GRIK1: variants seen among roughly 807,000 people sequenced by gnomAD.
The protein encoded by GRIK1 is glutamate ionotropic receptor kainate type subunit 1.
GRIK1 carries 69 observed loss-of-function variants against 105.7 expected under a neutral mutation model. The observed-to-expected ratio is 0.65, with a 90% confidence interval of 0.54 to 0.80. GRIK1 has a LOEUF of 0.80. Among genes scored for constraint, GRIK1 ranks in the 30% least tolerant of loss-of-function variants. The pLI is 0.00. For missense variants in GRIK1, 1,109 were observed against 1,167.3 expected (o/e 0.95, Z 0.73); for synonymous variants, 438 against 431.3 (o/e 1.02, Z -0.19).
intron 7 of GRIK1, among the ~76,000 whole-genome samples, chr21:29,606,410 G>A (rs1479414127): frequency 6.6e-6 from 1 of 152,100 alleles, no homozygotes; most frequent in Non-Finnish European, 1.5e-5. Context: ...ACATGCATCA[G>A]CTATTTATCC....
chr21:29,674,259 C>G (rs529164517), intron 3 of GRIK1, among the ~76,000 whole-genome samples: 1 of 134,914 alleles, frequency 7.4e-6, no homozygotes, highest in African/African-American at 3.5e-5. Flanking sequence ...ATTTATGTAG[C>G]TATTTTTTTT....
At chr21:29,719,055 A>G (rs1448080530) in intron 1 of GRIK1, among the ~76,000 whole-genome samples, 3 of 140,874 alleles carry the variant, frequency 2.1e-5, no homozygotes, top group Non-Finnish European at 1.5e-5. Context: ...CAGTAGTTAC[A>G]GTAGAAAGGT....
intron 10 of GRIK1, among the ~76,000 whole-genome samples, chr21:29,590,102 T>A (rs929204366): frequency 2.6e-5 from 4 of 152,206 alleles, no homozygotes; most frequent in Non-Finnish European, 5.9e-5. Context: ...TTTGGTTTTA[T>A]AAAATATAAT....
intron 1 of GRIK1, among the ~76,000 whole-genome samples, chr21:29,888,518 A>C (rs1748916229): frequency 6.6e-6 from 1 of 151,774 alleles, no homozygotes; most frequent in Admixed American, 6.6e-5. Flanking sequence ...CACCCATCTC[A>C]GCCTCCCAAA....
chr21:29,615,381 C>G (rs758952628), intron 7 of GRIK1, among the ~76,000 whole-genome samples: 2 of 152,108 alleles, frequency 1.3e-5, no homozygotes, highest in Non-Finnish European at 2.9e-5. Context: ...ACAATCTCTG[C>G]TCACTGTAAC....
chr21:29,635,977 C>T (rs2062390902), intron 7 of GRIK1, among the ~76,000 whole-genome samples: 1 of 152,190 alleles, frequency 6.6e-6, no homozygotes, highest in East Asian at 1.9e-4. Context: ...GAATTAGCTT[C>T]AGAAATCTCC....
intron 1 of GRIK1, among the ~76,000 whole-genome samples, chr21:29,715,856 T>C (rs2064164893): frequency 6.6e-6 from 1 of 152,062 alleles, no homozygotes; most frequent in East Asian, 1.9e-4. Flanking sequence ...TATTATCTTA[T>C]TATAATCCTT....
intron 6 of GRIK1, among the ~76,000 whole-genome samples, chr21:29,648,033 G>A (rs2062654043): frequency 6.6e-6 from 1 of 152,000 alleles, no homozygotes; most frequent in African/African-American, 2.4e-5. Flanking sequence ...TTTCAGGTTT[G>A]AATGTTTTGA....
intron 1 of GRIK1, among the ~76,000 whole-genome samples, chr21:29,894,347 C>T (rs960824253): frequency 6.6e-6 from 1 of 152,022 alleles, no homozygotes; most frequent in Non-Finnish European, 1.5e-5. Flanking sequence ...GCCCAAGAGC[C>T]CCTGGAAAAC....
intron 1 of GRIK1, among the ~76,000 whole-genome samples, chr21:29,917,238 CA>C (rs987856681): frequency 8.6e-5 from 13 of 151,960 alleles, no homozygotes; most frequent in Non-Finnish European, 1.9e-4. Context: ...GCAAAACAGA[CA>C]AACGTTAAAA....
At position 29,813,661 on chromosome 21, in the gene GRIK1, A is replaced by G. The variant is rs138430857; in HGVS notation, c.119-119598T>C. Among the ~76,000 whole-genome samples, 163 of 152,312 alleles carry G rather than the reference A, an allele frequency of 1.1e-3. 2 individuals are homozygous for G. Among genetic ancestry groups the G allele is most frequent in the African/African-American group, 3.8e-3 (158 of 41,598 alleles). On this transcript the variant is annotated intron_variant, in intron 1 of 17. Coordinates refer to ENST00000327783, the MANE Select transcript of GRIK1 (RefSeq NM_001330994.2). ...CTGTGTCTAAAGAATGGGACATTCA[A>G]TATAGTTTACATATTAATATATCTT...
intron 1 of GRIK1, among the ~76,000 whole-genome samples, chr21:29,898,149 C>G (rs2070242920): frequency 6.6e-6 from 1 of 152,156 alleles, no homozygotes; most frequent in African/African-American, 2.4e-5. Flanking sequence ...ATAGAATTTT[C>G]CCCTTTTCTT....
At chr21:29,655,627 T>G (rs2062834087) in intron 4 of GRIK1, among the ~76,000 whole-genome samples, 1 of 152,194 alleles carries the variant, frequency 6.6e-6, no homozygotes, top group Admixed American at 6.5e-5. Flanking sequence ...GTAGATATGT[T>G]TAAATGAAGG....
intron 1 of GRIK1, among the ~76,000 whole-genome samples, chr21:29,773,804 G>T (rs375909669): frequency 6.6e-6 from 1 of 152,308 alleles, no homozygotes; most frequent in South Asian, 2.1e-4. Flanking sequence ...CATATTCACA[G>T]GGGCTTGCAT....
chr21:29,919,957 T>G (rs931805710), intron 1 of GRIK1, among the ~76,000 whole-genome samples: 1 of 152,156 alleles, frequency 6.6e-6, no homozygotes, highest in African/African-American at 2.4e-5. Context: ...TTTGATTCCC[T>G]GTGTTCTTTG....
intron 1 of GRIK1, among the ~76,000 whole-genome samples, chr21:29,770,919 TTA>T (rs962816733): frequency 2.0e-5 from 3 of 152,212 alleles, no homozygotes; most frequent in Non-Finnish European, 4.4e-5. Flanking sequence ...GATGTTCTTA[TTA>T]TTAAGTCTTC....
intron 14 of GRIK1, among the ~76,000 whole-genome samples, chr21:29,575,905 C>A (rs926023411): frequency 6.6e-6 from 1 of 152,186 alleles, no homozygotes; most frequent in African/African-American, 2.4e-5. Flanking sequence ...AAACAGTCCA[C>A]TCAATGCTGA....
chr21:29,728,882 T>C (rs75231128), intron 1 of GRIK1, among the ~76,000 whole-genome samples: 6,552 of 152,216 alleles, frequency 0.043, 201 homozygotes, highest in Non-Finnish European at 0.066. Context: ...AAGTAAGAGA[T>C]AGTTTGCAGT....
At chr21:29,916,504 A>T (rs540730977) in intron 1 of GRIK1, among the ~76,000 whole-genome samples, 8 of 152,082 alleles carry the variant, frequency 5.3e-5, no homozygotes, top group Middle Eastern at 6.8e-3. Context: ...TTAAAAATAG[A>T]GGATAACACC....
Sources: allele counts gnomAD v4.1 joint callset (sites outside exome capture counted in the v4.1 genomes callset), GRCh38; gene constraint gnomAD v4.1.1; transcripts MANE v1.5; gene names NCBI Gene and HGNC (gene_info 2026-07-23, HGNC 2026-07-21).